The following STKLD1 variants were observed in gnomAD, a reference collection of about 807,000 sequenced individuals.
The protein encoded by STKLD1 is serine/threonine kinase like domain containing 1.
STKLD1 carries 79 observed loss-of-function variants against 80.4 expected under a neutral mutation model. That is an observed-to-expected ratio of 0.98 (90% CI 0.82 to 1.19). The LOEUF (loss-of-function observed/expected upper bound fraction) is 1.19. Among genes scored for constraint, STKLD1 ranks in the 50% most tolerant of loss-of-function variants. STKLD1 has a pLI of 0.00. For missense variants in STKLD1, 841 were observed against 856.0 expected (o/e 0.98, Z 0.22); for synonymous variants, 393 against 357.6 (o/e 1.10, Z -1.12).
In STKLD1 at chr9:133,385,665, G is replaced by A; in HGVS notation, c.268G>A (p.Glu90Lys). ...LRHAHISVYQ[E>K]LFITWNGEIS... ...GCACGCCCACATCTCTGTGTACCAG[G>A]AGCTGTTCATCACGTGGAATGGGGA... Residue 90 changes from glutamate to lysine, a missense_variant, in exon 4 of 18, where the codon GAG becomes AAG. By Grantham distance (56) the Glu-to-Lys change is moderately conservative. Coordinates refer to ENST00000371957, the MANE Select transcript of STKLD1 (RefSeq NM_153710.5). This position sits in a 1 kb window ranked among gnomAD's most constrained non-coding sequence, Gnocchi z 4.9. 6.2e-7 allele frequency: 1 copy of A among 1,613,274 alleles called. No individual in the cohort carries two copies. Among genetic ancestry groups the A allele is most frequent in the Non-Finnish European group, 8.5e-7 (1 of 1,179,980 alleles).
chr9:133,394,786 C>A lies in STKLD1; in HGVS notation c.702+377C>A. 4.5e-6 allele frequency: 1 copy of A among 221,864 alleles called. No individual in the cohort carries two copies. Among genetic ancestry groups the A allele is most frequent in the South Asian group, 8.6e-5 (1 of 11,694 alleles). 13.7% of individuals were successfully genotyped at this position (221,864 alleles called of 1,614,324 possible). A position where few individuals can be genotyped will look rare whatever the true frequency, so the allele number is the denominator to read the frequency against. On this transcript the variant is annotated intron_variant, in intron 8 of 17. Transcript: ENST00000371957. This position sits in a 1 kb window ranked among gnomAD's most constrained non-coding sequence, Gnocchi z 4.9. ...CCAGTGTGGGCCTGAACACACCTGG[C>A]TGTCTCATGCACAAGCCCCAGGCTG...
chr9:133,397,851 G>A (rs1554776949), intron 10 of STKLD1, 121 bp from the exon 11 acceptor site: 2 of 742,070 alleles, frequency 2.7e-6, no homozygotes, highest in Non-Finnish European at 4.4e-6. Context: ...CTCTCATCCT[G>A]AACCTGTGGA....
At chr9:133,401,072 G>A (rs587602883) in intron 12 of STKLD1, among the ~76,000 whole-genome samples, 91 of 152,228 alleles carry the variant, frequency 6.0e-4, no homozygotes, top group African/African-American at 2.2e-3. Context: ...AGCCTCCTAT[G>A]AGAGACATGG....
At position 133,395,747 on chromosome 9, in the gene STKLD1, G is replaced by C; in HGVS notation, c.850G>C (p.Asp284His). The part of the protein sequence containing the change: ...LPLMLQIDPS[D>H]RITIKDVVHI... Reference sequence around the variant, plus strand: ...CTTGATGCTCCAGATCGACCCCTCGGATCGAATAACGATAAAGTGAGCTCA... The same window carrying C: ...CTTGATGCTCCAGATCGACCCCTCGCATCGAATAACGATAAAGTGAGCTCA... Residue 284 changes from aspartate to histidine, a missense_variant, in exon 9 of 18, where the codon GAT becomes CAT. Asp to His is a moderately conservative substitution (Grantham distance 81). Transcript: ENST00000371957. 2 of 1,613,400 alleles carry C rather than the reference G, an allele frequency of 1.2e-6. No individual in the cohort carries two copies. The highest frequency in any genetic ancestry group is 1.7e-6 in the Non-Finnish European group (2 of 1,179,980).
chr9:133,400,323 G>C, intron 11 of STKLD1, 90 bp from the exon 12 acceptor site: 1 of 901,762 alleles, frequency 1.1e-6, no homozygotes, highest in South Asian at 1.4e-5. Context: ...GGCCCTGCAG[G>C]CTCCTACCAG....
chr9:133,387,970 T>C (rs2130281457), intron 5 of STKLD1: 1 of 405,584 alleles, frequency 2.5e-6, no homozygotes, highest in Admixed American at 2.7e-5. Context: ...GCCACTCTGC[T>C]GCCTGATTGC....
At chr9:133,395,931 A>C in intron 9 of STKLD1, 168 bp downstream of exon 9, 5 of 680,520 alleles carry the variant, frequency 7.3e-6, no homozygotes, top group Non-Finnish European at 9.6e-6. Flanking sequence ...GCTCTCCCAA[A>C]CCGTGCTGCG....
Position 133,397,199 on chromosome 9 carries a change from T to C in STKLD1, c.902T>C (p.Phe301Ser). ...CACATCACCTTCTTGAGAGGCTCCT[T>C]CAAGTCCTCGTGCGTCTCTCTGACC... ...VVHITFLRGSFKSSCVSLTLH... is the reference protein window; with the variant it reads ...VVHITFLRGSSKSSCVSLTLH... Residue 301 changes from phenylalanine to serine, a missense_variant, in exon 10 of 18, where the codon TTC (phenylalanine) becomes TCC (serine). Physicochemically the swap from Phe to Ser is radical, Grantham distance 155. Transcript: ENST00000371957. 1 of 1,613,986 alleles carries C rather than the reference T, an allele frequency of 6.2e-7. No homozygotes were observed. The highest frequency in any genetic ancestry group is 8.5e-7 in the Non-Finnish European group (1 of 1,180,012).
chr9:133,391,239 G>A (rs1218773039), intron 7 of STKLD1, among the ~76,000 whole-genome samples: 1 of 149,760 alleles, frequency 6.7e-6, no homozygotes, highest in Non-Finnish European at 1.5e-5. Flanking sequence ...AGGGAGGTGG[G>A]GGGGTCAGCC....
At position 133,401,848 on chromosome 9, in the gene STKLD1, T is replaced by G. The variant is rs1554777731; in HGVS notation, c.1309T>G (p.Tyr437Asp). 1 of 1,613,642 alleles carries G rather than the reference T, an allele frequency of 6.2e-7. No individual in the cohort carries two copies. Among genetic ancestry groups the G allele is most frequent in the South Asian group, 1.1e-5 (1 of 91,072 alleles). ...GGAGGAGCCACTTCTTGTCATGGTC[T>G]ACAGCCTGCTAGCCATCACCACAAC... ...PEEEPLLVMV[Y>D]SLLAITTTQE... The change falls in exon 13 of 18, where the codon TAC becomes GAC. Residue 437 changes from tyrosine to aspartate, a missense_variant. Tyr to Asp is a radical substitution (Grantham distance 160). Transcript: ENST00000371957.
chr9:133,399,269 T>C (rs926031076), intron 11 of STKLD1, among the ~76,000 whole-genome samples: 9 of 152,224 alleles, frequency 5.9e-5, no homozygotes, highest in South Asian at 2.1e-4. Context: ...CACCCATCCA[T>C]CCGTCTGTCT....
intron 12 of STKLD1, among the ~76,000 whole-genome samples, chr9:133,401,482 G>A (rs1041178956): frequency 6.6e-6 from 1 of 152,156 alleles, no homozygotes; most frequent in African/African-American, 2.4e-5. Flanking sequence ...ATGCAATGTT[G>A]AAATTGTGTT....
In STKLD1 at chr9:133,405,410, G is replaced by C; in HGVS notation, c.2032G>C (p.Gly678Arg). Reference protein sequence around the residue: ...SPQLGCTTSGGLE With the variant: ...SPQLGCTTSGRLE ...CCAGCTGGGGTGCACCACGTCTGGG[G>C]GACTGGAATAGATGTTTGTATGGAA... is the stretch of plus-strand genomic sequence containing the variant. The change falls in exon 18 of 18, where the codon GGA becomes CGA. Residue 678 changes from glycine to arginine, a missense_variant. Coordinates refer to ENST00000371957, the MANE Select transcript of STKLD1 (RefSeq NM_153710.5). 6.2e-7 allele frequency: 1 copy of C among 1,607,638 alleles called. No homozygotes were observed. Among genetic ancestry groups the C allele is most frequent in the Non-Finnish European group, 8.5e-7 (1 of 1,179,250 alleles).
At position 133,389,388 on chromosome 9, in the gene STKLD1, G is replaced by C. The variant is rs1838332734; in HGVS notation, c.397-138G>C. 1 of 1,459,626 alleles carries C rather than the reference G, an allele frequency of 6.9e-7. No individual in the cohort carries two copies. The highest frequency in any genetic ancestry group is 2.3e-5 in the Admixed American group (1 of 44,098). 90.4% of individuals were successfully genotyped at this position (1,459,626 alleles called of 1,614,324 possible). On this transcript the variant is annotated intron_variant, in intron 5 of 17. Coordinates refer to ENST00000371957, the MANE Select transcript of STKLD1 (RefSeq NM_153710.5). The surrounding 1 kb of genome is among the most constrained non-coding windows in gnomAD (Gnocchi z 6.4). ...CACGCTGAAGCCTCCTCCACCCTGA[G>C]CGCTTGGCTGGCTTCAGGCCTGTCT...
At position 133,401,743 on chromosome 9, in the gene STKLD1, G is replaced by T. The variant is rs781815220; in HGVS notation, c.1204G>T (p.Val402Leu). ...TCTTCCTCTGGCTTGAGCAGCGCTG[G>T]TGCACCACCCGGAAGCCAAGGCTCC... ...LLLHLLGQALVHHPEAKAPCN... is the reference protein window; with the variant it reads ...LLLHLLGQALLHHPEAKAPCN... The change falls in exon 13 of 18, where the codon GTG (valine) becomes TTG (leucine). Residue 402 changes from valine (V) to leucine (L), a missense_variant. Physicochemically the swap from Val to Leu is conservative, Grantham distance 32 (BLOSUM62 1). Transcript: ENST00000371957. 1.9e-6 allele frequency: 3 copies of T among 1,612,156 alleles called. No homozygotes were observed. Among genetic ancestry groups the T allele is most frequent in the Non-Finnish European group, 2.5e-6 (3 of 1,179,724 alleles).
chr9:133,400,313 G>A, intron 11 of STKLD1, 100 bp from the exon 12 acceptor site: 1 of 803,490 alleles, frequency 1.2e-6, no homozygotes, highest in Non-Finnish European at 2.1e-6. Context: ...ACCCACCTAG[G>A]GCCCTGCAGG....
rs1326769227 is a variant in STKLD1 at position 133,385,341 on chromosome 9, C to G, written c.220-276C>G. ...ACTGCCTGCCACAGCTCACTCACCC[C>G]CCATGGTATCCCTGTGAGGCAGATT... On this transcript the variant is annotated intron_variant, in intron 3 of 17. Transcript: ENST00000371957. This position sits in a 1 kb window ranked among gnomAD's most constrained non-coding sequence, Gnocchi z 4.9. Among the ~76,000 whole-genome samples the G allele has an allele frequency of 6.6e-6, 1 of 152,202 alleles. No homozygotes were observed. Among genetic ancestry groups the G allele is most frequent in the Admixed American group, 6.5e-5 (1 of 15,286 alleles).
chr9:133,401,853 C>A lies in STKLD1; in HGVS notation c.1314C>A (p.Ser438Arg), dbSNP rs150258727. The A allele has an allele frequency of 8.0e-4, 1,285 of 1,613,562 alleles. 15 individuals are homozygous for A. The African/African-American group carries it at 0.016, about 20-fold the overall frequency. Residue 438 changes from serine (S) to arginine (R), a missense_variant, in exon 13 of 18, where the codon AGC becomes AGA. Coordinates refer to ENST00000371957, the MANE Select transcript of STKLD1 (RefSeq NM_153710.5). ...EEEPLLVMVY[S>R]LLAITTTQES... Reference sequence around the variant, plus strand: ...AGCCACTTCTTGTCATGGTCTACAGCCTGCTAGCCATCACCACAACCCAGG... The same window carrying A: ...AGCCACTTCTTGTCATGGTCTACAGACTGCTAGCCATCACCACAACCCAGG...
At position 133,389,382 on chromosome 9, in the gene STKLD1, C is replaced by T. The variant is rs2130283963; in HGVS notation, c.397-144C>T. The T allele has an allele frequency of 1.9e-4, 283 of 1,456,214 alleles. No individual in the cohort carries two copies. The highest frequency in any genetic ancestry group is 2.4e-4 in the Non-Finnish European group (269 of 1,100,770). 90.2% of individuals were successfully genotyped at this position (1,456,214 alleles called of 1,614,324 possible). A position where few individuals can be genotyped will look rare whatever the true frequency, so the allele number is the denominator to read the frequency against. On this transcript the variant is annotated intron_variant, in intron 5 of 17. Coordinates refer to ENST00000371957, the MANE Select transcript of STKLD1 (RefSeq NM_153710.5). The surrounding 1 kb of genome is among the most constrained non-coding windows in gnomAD (Gnocchi z 6.4). ...AGCCACCACGCTGAAGCCTCCTCCA[C>T]CCTGAGCGCTTGGCTGGCTTCAGGC...
Sources: allele counts gnomAD v4.1 joint callset (sites outside exome capture counted in the v4.1 genomes callset), GRCh38; gene constraint gnomAD v4.1.1; non-coding constraint Gnocchi (gnomAD v3.1); transcripts MANE v1.5; gene names NCBI Gene and HGNC (gene_info 2026-07-23, HGNC 2026-07-21).